ITGB1: variants seen among roughly 807,000 people sequenced by gnomAD.
ITGB1 encodes the protein integrin subunit beta 1, also known as integrin beta-1.
A neutral mutation model predicts 86.5 loss-of-function variants in ITGB1; 24 were observed. The ratio of observed to expected loss-of-function variants is 0.28; its 90% confidence interval spans 0.20 to 0.39. The LOEUF (loss-of-function observed/expected upper bound fraction) is 0.39, where lower values mean the gene tolerates loss of function less well. ITGB1 is among the 10% of genes least tolerant of loss of function. The probability of loss-of-function intolerance (pLI) is 1.00; values close to 1 mark genes in which losing one functional copy is unlikely to be tolerated. For synonymous variants in ITGB1, 323 were observed against 316.8 expected, an observed-to-expected ratio of 1.02 and a Z score of -0.21; for missense variants, 556 against 946.9, an observed-to-expected ratio of 0.59 and a Z score of 5.42.
rs1394089594 is a variant in ITGB1 at position 32,935,523 on chromosome 10, G to T, written c.36C>A (p.Ile12=). The stretch of plus-strand genomic sequence containing the variant: ...GAGCAAACACACAGCAAACTGAACT[G>T]ATCAGTCCAATCCAGAAAATTGGTT... ...NLQPIFWIGL[I]SSVCCVFAQT... Residue 12 remains isoleucine (I), a synonymous_variant, in exon 2 of 16, where the codon ATC becomes ATA. Transcript: ENST00000302278. 6.2e-7 allele frequency: 1 copy of T among 1,613,366 alleles called. No individual in the cohort carries two copies. Among genetic ancestry groups the T allele is most frequent in the South Asian group, 1.1e-5 (1 of 91,006 alleles).
Position 32,920,291 on chromosome 10 carries a change from G to A in ITGB1, c.1223C>T (p.Thr408Ile). Residue 408 changes from threonine to isoleucine, a missense_variant, in exon 10 of 16, where the codon ACA becomes ATA. By Grantham distance (89) the Thr-to-Ile change is moderately conservative. Around this residue, in one of 4 missense-constraint regions of ITGB1, gnomAD observed 330 missense variants for 531.5 expected, o/e 0.62. Coordinates refer to ENST00000302278, the MANE Select transcript of ITGB1 (RefSeq NM_002211.4). The part of the protein sequence containing the change: ...KSYCKNGVNG[T>I]GENGRKCSNI... ...GGAACATTTTCTTCCATTTTCCCCT[G>A]TTCCATTCACCCCGTTCTTGCAGTA... The A allele has an allele frequency of 6.2e-7, 1 of 1,613,390 alleles. No homozygotes were observed. Among genetic ancestry groups the A allele is most frequent in the Non-Finnish European group, 8.5e-7 (1 of 1,179,588 alleles).
intron 15 of ITGB1, 115 bp downstream of exon 15, chr10:32,908,253 G>T: frequency 2.0e-6 from 2 of 1,009,278 alleles, no homozygotes; most frequent in Non-Finnish European, 3.1e-6. Flanking sequence ...ACTTTTGGGG[G>T]AATAAAATAC....
intron 1 of ITGB1, among the ~76,000 whole-genome samples, chr10:32,952,938 T>TCC (rs2095045397): frequency 6.6e-6 from 1 of 152,242 alleles, no homozygotes; most frequent in South Asian, 2.1e-4. Context: ...CATGTCTGTG[T>TCC]CTCTCATCAG....
chr10:32,917,896 T>G (rs1412241717), intron 11 of ITGB1, among the ~76,000 whole-genome samples: 1 of 151,988 alleles, frequency 6.6e-6, no homozygotes, highest in Non-Finnish European at 1.5e-5. Flanking sequence ...CGTGCACACG[T>G]ATGTTTACTG....
intron 11 of ITGB1, among the ~76,000 whole-genome samples, chr10:32,913,159 G>T (rs987374865): frequency 2.0e-5 from 3 of 152,180 alleles, no homozygotes; most frequent in African/African-American, 7.2e-5. Context: ...AACCCCATCT[G>T]TACATCACCA....
At chr10:32,913,608 T>C (rs979793982) in intron 11 of ITGB1, among the ~76,000 whole-genome samples, 8 of 151,740 alleles carry the variant, frequency 5.3e-5, no homozygotes, top group African/African-American at 1.7e-4. Flanking sequence ...GTGAGAAGTT[T>C]AGAGAAAAAA....
intron 1 of ITGB1, among the ~76,000 whole-genome samples, chr10:32,945,842 T>C (rs1394754842): frequency 1.3e-5 from 2 of 152,176 alleles, no homozygotes; most frequent in African/African-American, 2.4e-5. Flanking sequence ...AAGCTAACCA[T>C]ATATGCTGTA....
At chr10:32,912,726 C>T (rs915889663) in intron 11 of ITGB1, among the ~76,000 whole-genome samples, 1 of 152,242 alleles carries the variant, frequency 6.6e-6, no homozygotes, top group Non-Finnish European at 1.5e-5. Flanking sequence ...GTAGACAACA[C>T]CTCTGGGGGC....
intron 14 of ITGB1, among the ~76,000 whole-genome samples, chr10:32,909,681 G>T (rs1032554132): frequency 2.6e-5 from 4 of 151,900 alleles, no homozygotes; most frequent in Non-Finnish European, 4.4e-5. Flanking sequence ...GCCATTTTTA[G>T]TATTTACCCA....
At chr10:32,907,083 T>C (rs1286840868) in intron 15 of ITGB1, 1 of 1,359,436 alleles carries the variant, frequency 7.4e-7, no homozygotes, top group Admixed American at 1.9e-5. Flanking sequence ...AGACCAGCTT[T>C]ACGTCCGTAG....
At chr10:32,905,396 C>A (rs2137155588) in intron 15 of ITGB1, among the ~76,000 whole-genome samples, 1 of 152,308 alleles carries the variant, frequency 6.6e-6, no homozygotes, top group Non-Finnish European at 1.5e-5. Context: ...GCACTGGGTT[C>A]CATGTATTAA....
chr10:32,907,674 C>T (rs2094900616), intron 15 of ITGB1, among the ~76,000 whole-genome samples: 1 of 152,038 alleles, frequency 6.6e-6, no homozygotes, highest in South Asian at 2.1e-4. Context: ...TTTGCCCCTA[C>T]AGTTTTGCTT....
intron 11 of ITGB1, among the ~76,000 whole-genome samples, chr10:32,919,483 CT>C (rs1196469216): frequency 2.6e-5 from 4 of 152,166 alleles, no homozygotes; most frequent in Non-Finnish European, 5.9e-5. Flanking sequence ...TCTTCTACTG[CT>C]TCATAATTCC....
intron 5 of ITGB1, among the ~76,000 whole-genome samples, chr10:32,926,739 A>C (rs2094966208): frequency 6.6e-6 from 1 of 150,642 alleles, no homozygotes; most frequent in South Asian, 2.1e-4. Flanking sequence ...TCTTTATAGC[A>C]ACGTAAGAAT....
rs557113996 is a variant in ITGB1, at chr10:32,930,266, C to T, written c.154-222G>A. Among the ~76,000 whole-genome samples, 218 of 152,160 alleles carry T rather than the reference C, an allele frequency of 1.4e-3. 1 individual carries two copies. The highest frequency in any genetic ancestry group is 5.0e-3 in the African/African-American group (208 of 41,498). ...AAGTAATACCTTTCCCAGAACTGAC[C>T]CAAGTGTACACAGTAAATGCTCTAT... is the stretch of plus-strand genomic sequence containing the variant. On this transcript the variant is annotated intron_variant, in intron 3 of 15. Transcript: ENST00000302278.
At chr10:32,924,274 C>T (rs190612545) in intron 6 of ITGB1, among the ~76,000 whole-genome samples, 1 of 152,244 alleles carries the variant, frequency 6.6e-6, no homozygotes, top group East Asian at 1.9e-4. Context: ...GATAATTTCA[C>T]CCATTCTAAC....
chr10:32,940,172 CGTCT>C (rs2095014917), intron 1 of ITGB1, among the ~76,000 whole-genome samples: 2 of 151,894 alleles, frequency 1.3e-5, no homozygotes, highest in Non-Finnish European at 2.9e-5. Flanking sequence ...GGTGAAACCC[CGTCT>C]CTACAAAAAA....
intron 9 of ITGB1, among the ~76,000 whole-genome samples, chr10:32,921,487 T>A (rs1233735689): frequency 6.6e-6 from 1 of 152,028 alleles, no homozygotes; most frequent in Non-Finnish European, 1.5e-5. Flanking sequence ...TGACATGAAG[T>A]AAAAATGTCT....
intron 1 of ITGB1, chr10:32,944,359 G>A (rs926471493): frequency 9.0e-6 from 2 of 222,454 alleles, no homozygotes; most frequent in African/African-American, 4.7e-5. Context: ...CTGGGCCAAA[G>A]CCCTTGTTCG....
Sources: allele counts gnomAD v4.1 joint callset (sites outside exome capture counted in the v4.1 genomes callset), GRCh38; gene constraint gnomAD v4.1.1; regional missense constraint gnomAD v4.1.1; transcripts MANE v1.5; gene names NCBI Gene and HGNC (gene_info 2026-07-23, HGNC 2026-07-21).